SRL: variants seen among roughly 807,000 people sequenced by gnomAD.
SRL encodes the protein sarcalumenin.
SRL carries 23 observed loss-of-function variants against 39.5 expected under a neutral mutation model. The observed-to-expected ratio is 0.58, with a 90% CI of 0.42 to 0.82. The LOEUF (loss-of-function observed/expected upper bound fraction) is 0.82, where lower values mean the gene tolerates loss of function less well. SRL is among the 40% of genes least tolerant of loss of function. The pLI, the probability that SRL is intolerant of heterozygous loss-of-function variation, is 0.00. For missense variants in SRL, 592 were observed against 607.8 expected (o/e 0.97, Z 0.27); for synonymous variants, 272 against 237.4 (o/e 1.15, Z -1.34).
At chr16:4,241,255 A>C (rs908826583) in intron 1 of SRL, among the ~76,000 whole-genome samples, 2 of 152,078 alleles carry the variant, frequency 1.3e-5, no homozygotes, top group African/African-American at 4.8e-5. Flanking sequence ...TGGCAAAACA[A>C]TCTGGCATCT....
chr16:4,205,169 A>C (rs1274407130), intron 1 of SRL, among the ~76,000 whole-genome samples: 3 of 152,058 alleles, frequency 2.0e-5, no homozygotes, highest in Admixed American at 6.6e-5. Flanking sequence ...CCAAAAAAAA[A>C]CTTTCCAAGG....
intron 1 of SRL, chr16:4,207,254 T>G (rs950123145): frequency 2.2e-6 from 1 of 456,944 alleles, no homozygotes; most frequent in African/African-American, 2.0e-5. Flanking sequence ...AGGCTTCATC[T>G]GCGTCCTCCT....
At position 4,200,021 on chromosome 16, in the gene SRL, C is replaced by T. The variant is rs1239491645; in HGVS notation, c.260-2106G>A. Reference sequence around the variant, plus strand: ...CCCATCTTTTTACAGAGAGCGTTGCCATATGCTTCCTCTTCTGTATCTTGC... The same window carrying T: ...CCCATCTTTTTACAGAGAGCGTTGCTATATGCTTCCTCTTCTGTATCTTGC... On this transcript the variant is annotated intron_variant, in intron 3 of 5. Coordinates refer to ENST00000399609, the MANE Select transcript of SRL (RefSeq NM_001098814.2). Among the ~76,000 whole-genome samples, 4 of 152,166 alleles carry T rather than the reference C, an allele frequency of 2.6e-5. No homozygotes were observed. In the East Asian group the frequency reaches 7.7e-4, roughly 29 times the overall value.
intron 1 of SRL, among the ~76,000 whole-genome samples, chr16:4,236,650 C>T (rs1567192561): frequency 1.4e-5 from 2 of 147,216 alleles, no homozygotes; most frequent in Non-Finnish European, 3.0e-5. Context: ...CCAAACTGAA[C>T]TTTTTTTTTT....
chr16:4,190,442 G>C lies in SRL; in HGVS notation c.*1711C>G, dbSNP rs553184661. The C allele has an allele frequency of 1.2e-4, 46 of 398,710 alleles. No homozygotes were observed. Among genetic ancestry groups the C allele is most frequent in the Middle Eastern group, 1.3e-3 (2 of 1,588 alleles). 24.7% of individuals were successfully genotyped at this position (398,710 alleles called of 1,614,324 possible). A position where few individuals can be genotyped will look rare whatever the true frequency, so the allele number is the denominator to read the frequency against. ...CTGGCTGTGTACAAAGGAGCCCCTC[G>C]AGGCAGCCCGGGCTGGGTCTCCTGG... On this transcript the variant is annotated 3_prime_UTR_variant, in exon 6 of 6. Transcript: ENST00000399609.
intron 1 of SRL, among the ~76,000 whole-genome samples, chr16:4,225,025 G>C (rs1046928054): frequency 6.6e-6 from 1 of 152,130 alleles, no homozygotes. Context: ...CCATTTATAC[G>C]AAAGTCCAGA....
rs2141018969 is a variant in SRL, at chr16:4,191,885, C to T, written c.*268G>A. ...TTAGCTGCTCTCTGTCCTTCCAAGA[C>T]AGGACCCAGGAAAAGCAGGTGGAGG... is the stretch of plus-strand genomic sequence containing the variant. On this transcript the variant is annotated 3_prime_UTR_variant, in exon 6 of 6. Coordinates refer to ENST00000399609, the MANE Select transcript of SRL (RefSeq NM_001098814.2). The T allele has an allele frequency of 2.3e-6, 1 of 427,246 alleles. No homozygotes were observed. 26.5% of individuals were successfully genotyped at this position (427,246 alleles called of 1,614,324 possible). A position where few individuals can be genotyped will look rare whatever the true frequency, so the allele number is the denominator to read the frequency against.
intron 1 of SRL, among the ~76,000 whole-genome samples, chr16:4,226,915 G>A (rs2052597173): frequency 6.6e-6 from 1 of 151,998 alleles, no homozygotes; most frequent in South Asian, 2.1e-4. Context: ...TGGATGAATG[G>A]ATGGATGGAA....
chr16:4,197,216 C>T (rs2052161148), intron 4 of SRL, among the ~76,000 whole-genome samples: 1 of 150,454 alleles, frequency 6.6e-6, no homozygotes, highest in Non-Finnish European at 1.5e-5. Context: ...CTACAGGCAC[C>T]CGCCATCACA....
At chr16:4,240,887 C>T (rs1041159607) in intron 1 of SRL, among the ~76,000 whole-genome samples, 1 of 152,182 alleles carries the variant, frequency 6.6e-6, no homozygotes, top group African/African-American at 2.4e-5. Flanking sequence ...CCCTGCAGAG[C>T]CCAAATTAAC....
intron 1 of SRL, among the ~76,000 whole-genome samples, chr16:4,227,958 G>A (rs753851632): frequency 6.6e-5 from 10 of 152,232 alleles, no homozygotes; most frequent in Admixed American, 1.3e-4. Flanking sequence ...AGGGCTGAGC[G>A]AAGGAGCCCA....
chr16:4,211,665 T>G (rs551835593), intron 1 of SRL, among the ~76,000 whole-genome samples: 8 of 149,896 alleles, frequency 5.3e-5, no homozygotes, highest in African/African-American at 1.7e-4. Context: ...GTGATGACCG[T>G]GCCGATGATG....
intron 1 of SRL, among the ~76,000 whole-genome samples, chr16:4,226,111 G>A (rs1385141431): frequency 6.6e-6 from 1 of 152,104 alleles, no homozygotes; most frequent in Admixed American, 6.6e-5. Flanking sequence ...GCCTTCCCTG[G>A]CCACCTACTG....
At chr16:4,232,946 T>C (rs59100412) in intron 1 of SRL, among the ~76,000 whole-genome samples, 6,844 of 152,184 alleles carry the variant, frequency 0.045, 514 homozygotes, top group African/African-American at 0.16. Context: ...ACCCCGGGAC[T>C]CTCCCCTGAG....
At chr16:4,216,455 A>G (rs554439239) in intron 1 of SRL, among the ~76,000 whole-genome samples, 20 of 152,084 alleles carry the variant, frequency 1.3e-4, no homozygotes, top group African/African-American at 3.6e-4. Context: ...TATTTTTTGT[A>G]GAGATGGGGT....
chr16:4,212,812 C>G (rs562379007), intron 1 of SRL, among the ~76,000 whole-genome samples: 1 of 152,058 alleles, frequency 6.6e-6, no homozygotes, highest in South Asian at 2.1e-4. Flanking sequence ...TCTCGGGGGG[C>G]CAGCTTTCCA....
At chr16:4,227,794 C>T (rs751548982) in intron 1 of SRL, among the ~76,000 whole-genome samples, 3 of 152,164 alleles carry the variant, frequency 2.0e-5, no homozygotes, top group Non-Finnish European at 4.4e-5. Flanking sequence ...GAGCTGCTTT[C>T]CACACCTTTC....
At chr16:4,224,101 G>A (rs547001088) in intron 1 of SRL, among the ~76,000 whole-genome samples, 9 of 152,134 alleles carry the variant, frequency 5.9e-5, no homozygotes, top group Non-Finnish European at 1.0e-4. Flanking sequence ...TGATGGAACA[G>A]CCCTGGGACC....
intron 1 of SRL, among the ~76,000 whole-genome samples, chr16:4,205,001 C>T (rs145476642): frequency 6.6e-6 from 1 of 152,260 alleles, no homozygotes; most frequent in East Asian, 1.9e-4. Context: ...TGCTCTTAGT[C>T]CAGTGGAGTC....
Sources: gnomAD v4.1 joint callset for allele counts (sites outside exome capture counted in the v4.1 genomes callset) on GRCh38, gnomAD v4.1.1 for gene constraint, MANE v1.5 for transcripts, NCBI Gene and HGNC (gene_info 2026-07-23, HGNC 2026-07-21) for gene names.